Variants in UTP18 observed in about 807,000 individuals in gnomAD.
UTP18 encodes the protein U3 small nucleolar RNA-associated protein 18 homolog.
UTP18 carries 36 observed loss-of-function variants against 61.1 expected under a neutral mutation model. The observed-to-expected ratio is 0.59, with a 90% CI of 0.45 to 0.78. UTP18 has a LOEUF of 0.78. UTP18 is among the 30% of genes least tolerant of loss of function. UTP18 has a pLI of 0.00. For synonymous variants in UTP18, 282 were observed against 251.1 expected (o/e 1.12, Z -1.16); for missense variants, 753 against 693.9 (o/e 1.09, Z -0.96).
chr17:51,275,742 T>G, intron 5 of UTP18, 124 bp from the exon 6 acceptor site: 3 of 925,338 alleles, frequency 3.2e-6, no homozygotes, highest in East Asian at 6.9e-5. Flanking sequence ...TTGAGTTGTG[T>G]TTGGTTACCA....
At position 51,260,775 on chromosome 17, in the gene UTP18, C is replaced by T. The variant is rs1276189685; in HGVS notation, c.191C>T (p.Ala64Val). ...PSAAAAAIAVAAAEEERRLRQ... is the reference protein window; with the variant it reads ...PSAAAAAIAVVAAEEERRLRQ... ...GCGGCGGCCGCTGCGATTGCAGTCG[C>T]GGCGGCGGAGGAAGAGAGACGGCTC... The change falls in exon 1 of 14, where the codon GCG (alanine) becomes GTG (valine). Residue 64 changes from alanine (A) to valine (V), a missense_variant. Transcript: ENST00000225298. 2 of 1,578,864 alleles carry T rather than the reference C, an allele frequency of 1.3e-6. No homozygotes were observed. Among genetic ancestry groups the T allele is most frequent in the Non-Finnish European group, 1.7e-6 (2 of 1,163,638 alleles).
At chr17:51,269,839 T>TTGTGTGTGTGTG (rs58180688) in intron 4 of UTP18, among the ~76,000 whole-genome samples, 14 of 137,718 alleles carry the variant, frequency 1.0e-4, no homozygotes, top group South Asian at 2.3e-4. Flanking sequence ...AAATAATGTA[T>TTGTGTGTGTGTG]TGTGTGTGTG....
intron 6 of UTP18, among the ~76,000 whole-genome samples, chr17:51,276,486 A>T (rs1200274002): frequency 6.6e-6 from 1 of 152,148 alleles, no homozygotes. Context: ...TGTTCTTTTA[A>T]TTTTCTGGTG....
rs748838246 is a variant in UTP18, at chr17:51,288,053, A to G, written c.1353A>G (p.Ile451Met). 10 of 1,595,132 alleles carry G rather than the reference A, an allele frequency of 6.3e-6. No individual in the cohort carries two copies. In the Admixed American group the frequency reaches 1.5e-4, roughly 24 times the overall value. Residue 451 changes from isoleucine (I) to methionine (M), a missense_variant, in exon 11 of 14, where the codon ATA (isoleucine) becomes ATG (methionine). Physicochemically the swap from Ile to Met is conservative, Grantham distance 10 (BLOSUM62 1). Transcript: ENST00000225298. ...ACGSNCGVVN[I>M]YNQDSCLQET... Reference sequence around the variant, plus strand: ...GTTCTAATTGTGGAGTGGTAAATATATACAATCAAGATTCTTGTCTCCAAG... The same window carrying G: ...GTTCTAATTGTGGAGTGGTAAATATGTACAATCAAGATTCTTGTCTCCAAG...
At chr17:51,297,735 C>T (rs1458739621) in intron 13 of UTP18, 47 bp from the exon 14 acceptor site, 6 of 438,196 alleles carry the variant, frequency 1.4e-5, no homozygotes, top group Non-Finnish European at 2.3e-5. Context: ...CTGTTGATGA[C>T]CAGCAGCTAT....
intron 9 of UTP18, among the ~76,000 whole-genome samples, chr17:51,280,912 T>C (rs533451216): frequency 6.6e-6 from 1 of 151,942 alleles, no homozygotes; most frequent in Admixed American, 6.6e-5. Flanking sequence ...GCGCGGTAGC[T>C]TACGCCTGTA....
At chr17:51,265,609 G>T (rs1389630662) in intron 2 of UTP18, among the ~76,000 whole-genome samples, 1 of 123,464 alleles carries the variant, frequency 8.1e-6, no homozygotes, top group East Asian at 2.5e-4. Flanking sequence ...TTTTGCCCAG[G>T]CTGGAGTACA....
chr17:51,266,895 G>C (rs1422083813), intron 3 of UTP18, among the ~76,000 whole-genome samples: 2 of 152,106 alleles, frequency 1.3e-5, no homozygotes, highest in Non-Finnish European at 2.9e-5. Context: ...ATCTCACTCT[G>C]TCACCCAGGC....
Position 51,260,679 on chromosome 17 carries a change from G to C in UTP18, c.95G>C (p.Gly32Ala). 1.2e-6 allele frequency: 2 copies of C among 1,610,726 alleles called. No individual in the cohort carries two copies. The highest frequency in any genetic ancestry group is 8.5e-7 in the Non-Finnish European group (1 of 1,179,060). ...KPGMRPDWKA[G>A]AGPGGPPQKP... ...GGAATGAGGCCGGACTGGAAAGCCG[G>C]AGCGGGGCCAGGCGGGCCTCCCCAA... Residue 32 changes from glycine to alanine, a missense_variant, in exon 1 of 14, where the codon GGA (glycine) becomes GCA (alanine). Physicochemically the swap from Gly to Ala is moderately conservative, Grantham distance 60. Transcript: ENST00000225298.
chr17:51,275,440 G>A (rs1904684709), intron 5 of UTP18, among the ~76,000 whole-genome samples: 1 of 152,198 alleles, frequency 6.6e-6, no homozygotes, highest in African/African-American at 2.4e-5. Flanking sequence ...CAACTGTGCA[G>A]TGCCTCTTGC....
intron 11 of UTP18, among the ~76,000 whole-genome samples, chr17:51,291,102 G>A (rs941044459): frequency 1.3e-5 from 2 of 152,204 alleles, no homozygotes; most frequent in Non-Finnish European, 2.9e-5. Flanking sequence ...TGATAGAAAT[G>A]GTATTAGAAA....
intron 1 of UTP18, among the ~76,000 whole-genome samples, chr17:51,261,351 C>A (rs1356276480): frequency 6.6e-6 from 1 of 152,206 alleles, no homozygotes; most frequent in Non-Finnish European, 1.5e-5. Flanking sequence ...GTAACTATGT[C>A]CCCATGTGAC....
intron 12 of UTP18, among the ~76,000 whole-genome samples, chr17:51,295,643 A>G (rs1326654207): frequency 6.6e-6 from 1 of 152,184 alleles, no homozygotes; most frequent in East Asian, 1.9e-4. Flanking sequence ...TGATGCCTCC[A>G]GCTTTGTTCT....
intron 7 of UTP18, among the ~76,000 whole-genome samples, chr17:51,278,339 A>C (rs1264754673): frequency 6.6e-6 from 1 of 152,200 alleles, no homozygotes; most frequent in Non-Finnish European, 1.5e-5. Flanking sequence ...TCACTTGGTT[A>C]AAAAGTCTTA....
chr17:51,293,879 A>AAAT, intron 11 of UTP18, 24 bp from the exon 12 acceptor site: 1 of 1,507,126 alleles, frequency 6.6e-7, no homozygotes, highest in Non-Finnish European at 8.8e-7. Flanking sequence ...GTTACACTTT[A>AAAT]AAGTTTTTTA....
At chr17:51,295,157 T>C (rs138327944) in intron 12 of UTP18, among the ~76,000 whole-genome samples, 9,972 of 152,146 alleles carry the variant, frequency 0.066, 565 homozygotes, top group African/African-American at 0.15. Flanking sequence ...GTTGCCTGTT[T>C]ACTCTGATGG....
At position 51,273,552 on chromosome 17, in the gene UTP18, TAA is replaced by T. The variant is rs947478661; in HGVS notation, c.711+104_711+105del. Reference sequence around the variant, plus strand: ...TATGGATTCCTATTATCTGTGGGGTTAAATATGTTTGCTGTCATTTTGCCCTG... The same window carrying T: ...TATGGATTCCTATTATCTGTGGGGTTATATGTTTGCTGTCATTTTGCCCTG... On this transcript the variant is annotated intron_variant, in intron 5 of 13. Transcript: ENST00000225298. The T allele has an allele frequency of 3.9e-6, 3 of 772,956 alleles. No individual in the cohort carries two copies. The African/African-American group carries it at 5.3e-5, about 14-fold the overall frequency. 47.9% of individuals were successfully genotyped at this position (772,956 alleles called of 1,614,324 possible).
At chr17:51,295,029 C>T (rs553233922) in intron 12 of UTP18, among the ~76,000 whole-genome samples, 76 of 151,860 alleles carry the variant, frequency 5.0e-4, no homozygotes, top group East Asian at 2.1e-3. Context: ...TCATATCCTT[C>T]GCCCACTTTT....
intron 11 of UTP18, 118 bp downstream of exon 11, chr17:51,288,321 T>C (rs1183794138): frequency 1.4e-5 from 14 of 1,015,056 alleles, no homozygotes; most frequent in Middle Eastern, 3.3e-4. Flanking sequence ...TCTTTTGATA[T>C]AGGAATTATT....
Sources: gnomAD v4.1 joint callset for allele counts (sites outside exome capture counted in the v4.1 genomes callset) on GRCh38, gnomAD v4.1.1 for gene constraint, MANE v1.5 for transcripts, NCBI Gene and HGNC (gene_info 2026-07-23, HGNC 2026-07-21) for gene names.